The following NCBP1 variants were observed in gnomAD, a reference collection of about 807,000 sequenced individuals.
NCBP1 encodes nuclear cap binding protein subunit 1, also known as nuclear cap-binding protein subunit 1.
Under a neutral mutation model 111.7 loss-of-function variants are expected in NCBP1, and 16 were observed. That is an observed-to-expected ratio of 0.14 (90% confidence interval 0.10 to 0.22). The LOEUF (loss-of-function observed/expected upper bound fraction) is 0.22. NCBP1 is among the 10% of genes least tolerant of loss of function. NCBP1 has a pLI of 1.00. For synonymous variants in NCBP1, 304 were observed against 314.3 expected (o/e 0.97, Z 0.35); for missense variants, 607 against 957.5 (o/e 0.63, Z 4.83).
At chr9:97,654,331 G>T (rs1279592462) in intron 11 of NCBP1, among the ~76,000 whole-genome samples, 1 of 152,158 alleles carries the variant, frequency 6.6e-6, no homozygotes, top group African/African-American at 2.4e-5. Flanking sequence ...TCATTCAGCA[G>T]TGTTCACAAG....
At chr9:97,657,926 AT>A (rs57402675) in intron 14 of NCBP1, among the ~76,000 whole-genome samples, 16,432 of 90,404 alleles carry the variant, frequency 0.18, 1,333 homozygotes, top group Non-Finnish European at 0.23. Context: ...ATATATATAT[AT>A]TTTTTTTTTT....
At chr9:97,634,001 A>C in intron 1 of NCBP1, 86 bp downstream of exon 1, 1 of 1,408,364 alleles carries the variant, frequency 7.1e-7, no homozygotes, top group Non-Finnish European at 9.4e-7. Context: ...AAGAGACTGG[A>C]AGCTCTTCTC....
rs1426621019 is a variant in NCBP1 at position 97,662,043 on chromosome 9, TGAA to T, written c.1604_1606del (p.Glu535del). On this transcript the variant is annotated inframe_deletion and splice_region_variant, in exon 17 of 23. Coordinates refer to ENST00000375147, the MANE Select transcript of NCBP1 (RefSeq NM_002486.5). The stretch of plus-strand genomic sequence containing the variant: ...GTTTTACTATAAAATATTTTTCAGA[TGAA>T]GGATTCAGTTTTAACCCATTGAAAA... 1 of 1,608,992 alleles carries T rather than the reference TGAA, an allele frequency of 6.2e-7. No homozygotes were observed. The highest frequency in any genetic ancestry group is 1.3e-5 in the African/African-American group (1 of 74,932).
intron 1 of NCBP1, chr9:97,635,763 A>G (rs947591097): frequency 2.0e-5 from 3 of 152,048 alleles, no homozygotes; most frequent in African/African-American, 7.2e-5. Flanking sequence ...CTAGTCAAAA[A>G]CTAATATACT....
Position 97,671,961 on chromosome 9 carries a change from C to A in NCBP1, c.*762C>A, listed in dbSNP as rs1828205749. ...TAGAGCATCTACTCACTTCCTCTAG[C>A]CTTGGGGTTATTTGTCCAAGGTCTT... On this transcript the variant is annotated 3_prime_UTR_variant, in exon 23 of 23. Transcript: ENST00000375147. 1 of 152,198 alleles carries A rather than the reference C, an allele frequency of 6.6e-6. No homozygotes were observed. Among genetic ancestry groups the A allele is most frequent in the Non-Finnish European group, 1.5e-5 (1 of 68,056 alleles). The allele number at this position is 152,198 out of a possible 1,614,324, so 9.4% of individuals were successfully genotyped here. A position where few individuals can be genotyped will look rare whatever the true frequency, so the allele number is the denominator to read the frequency against.
At chr9:97,669,958 T>A (rs928970865) in intron 22 of NCBP1, 20 of 482,394 alleles carry the variant, frequency 4.1e-5, no homozygotes, top group Non-Finnish European at 6.8e-5. Context: ...CATCTCACTC[T>A]GTTGCCCAGG....
chr9:97,665,649 T>G (rs1827972869), intron 19 of NCBP1, among the ~76,000 whole-genome samples: 1 of 152,240 alleles, frequency 6.6e-6, no homozygotes, highest in African/African-American at 2.4e-5. Context: ...ATGAACAGAT[T>G]GTTTTATTAT....
In NCBP1 at chr9:97,648,454, C is replaced by T. The variant is rs182475838; in HGVS notation, c.897+231C>T. Reference sequence around the variant, plus strand: ...TACAGAGACGTGCACAGTTTGCAGGCTAAGAGTGTGGGTTTTGGGTTTTTA... The same window carrying T: ...TACAGAGACGTGCACAGTTTGCAGGTTAAGAGTGTGGGTTTTGGGTTTTTA... On this transcript the variant is annotated intron_variant, in intron 8 of 22. Transcript: ENST00000375147. Among the ~76,000 whole-genome samples the T allele has an allele frequency of 2.6e-5, 4 of 152,218 alleles. No individual in the cohort carries two copies. In the East Asian group the frequency reaches 7.7e-4, roughly 29 times the overall value.
chr9:97,670,664 C>T (rs1402795629), intron 22 of NCBP1, among the ~76,000 whole-genome samples: 1 of 152,194 alleles, frequency 6.6e-6, no homozygotes, highest in Non-Finnish European at 1.5e-5. Context: ...TATAGAGGAA[C>T]ACATAGACAA....
intron 19 of NCBP1, among the ~76,000 whole-genome samples, chr9:97,665,862 A>G (rs1009505488): frequency 6.6e-6 from 1 of 151,908 alleles, no homozygotes; most frequent in Admixed American, 6.6e-5. Context: ...AACGTAGTCA[A>G]TTAACACATA....
At chr9:97,658,247 C>T (rs1473447432) in intron 14 of NCBP1, among the ~76,000 whole-genome samples, 1 of 152,128 alleles carries the variant, frequency 6.6e-6, no homozygotes, top group Non-Finnish European at 1.5e-5. Flanking sequence ...CTTATTTCTA[C>T]ACTTCTTCTC....
At chr9:97,655,066 A>G in intron 12 of NCBP1, 122 bp downstream of exon 12, 1 of 747,856 alleles carries the variant, frequency 1.3e-6, no homozygotes, top group East Asian at 3.0e-5. Context: ...GCCTCCCAAA[A>G]TAACCTTTGT....
chr9:97,647,773 A>G lies in NCBP1; in HGVS notation c.681+212A>G, dbSNP rs183837847. Reference sequence around the variant, plus strand: ...TCCCTTGTTCTTTGGAATGCCAGCTATTACAGAGTTGACATATATTTATTT... The same window carrying G: ...TCCCTTGTTCTTTGGAATGCCAGCTGTTACAGAGTTGACATATATTTATTT... On this transcript the variant is annotated intron_variant, in intron 7 of 22. Transcript: ENST00000375147. Among the ~76,000 whole-genome samples, 79 of 152,368 alleles carry G rather than the reference A, an allele frequency of 5.2e-4. 1 individual carries two copies. Among genetic ancestry groups the G allele is most frequent in the Middle Eastern group, 3.4e-3 (1 of 294 alleles).
chr9:97,649,764 C>G (rs1367901191), intron 8 of NCBP1, among the ~76,000 whole-genome samples: 1 of 142,864 alleles, frequency 7.0e-6, no homozygotes, highest in Admixed American at 7.1e-5. Context: ...GCAGGGGAAA[C>G]TAGAATGGGA....
chr9:97,639,661 C>A (rs1472132191), intron 1 of NCBP1, among the ~76,000 whole-genome samples: 2 of 152,056 alleles, frequency 1.3e-5, no homozygotes, highest in African/African-American at 4.8e-5. Flanking sequence ...CAATGGAAGT[C>A]GAAAATTGGA....
intron 11 of NCBP1, 131 bp downstream of exon 11, chr9:97,654,039 T>A: frequency 1.5e-6 from 1 of 647,198 alleles, no homozygotes; most frequent in East Asian, 2.8e-5. Context: ...GTGTGTGTAT[T>A]ACATGTATGT....
Position 97,645,130 on chromosome 9 carries a change from C to G in NCBP1, c.395C>G (p.Ser132Cys). Residue 132 changes from serine to cysteine, a missense_variant, in exon 5 of 23, where the codon TCT becomes TGT. Ser to Cys is a moderately radical substitution (Grantham distance 112). Around this residue, in one of 9 missense-constraint regions of NCBP1, gnomAD observed 185 missense variants for 272.0 expected, o/e 0.68. Transcript: ENST00000375147. Reference protein sequence around the residue: ...NEAVYLVRFLSDLVNCHVIAA... With the variant: ...NEAVYLVRFLCDLVNCHVIAA... ...TTGCCCCAACAGGTCCGTTTTTTATCTGATCTTGTGAATTGTCATGTGATT... is the reference window on the plus strand; with the variant it reads ...TTGCCCCAACAGGTCCGTTTTTTATGTGATCTTGTGAATTGTCATGTGATT... 1 of 1,612,880 alleles carries G rather than the reference C, an allele frequency of 6.2e-7. No homozygotes were observed. The highest frequency in any genetic ancestry group is 1.1e-5 in the South Asian group (1 of 91,040).
intron 2 of NCBP1, 139 bp from the exon 3 acceptor site, chr9:97,641,423 A>G (rs1827201389): frequency 9.9e-6 from 6 of 603,978 alleles, no homozygotes; most frequent in Admixed American, 4.4e-5. Flanking sequence ...TAAAATAGCA[A>G]TTGAAAGGAC....
chr9:97,655,179 T>C (rs988186491), intron 12 of NCBP1, among the ~76,000 whole-genome samples: 10 of 152,344 alleles, frequency 6.6e-5, no homozygotes, highest in East Asian at 5.8e-4. Flanking sequence ...GACTATACTT[T>C]GGCTCTGCCA....
Sources: allele counts gnomAD v4.1 joint callset (sites outside exome capture counted in the v4.1 genomes callset), GRCh38; gene constraint gnomAD v4.1.1; regional missense constraint gnomAD v4.1.1; transcripts MANE v1.5; gene names NCBI Gene and HGNC (gene_info 2026-07-23, HGNC 2026-07-21).